The following SMIM14 variants were observed in gnomAD, a reference collection of about 807,000 sequenced individuals.
The protein encoded by SMIM14 is small integral membrane protein 14.
Under a neutral mutation model 12.6 loss-of-function variants are expected in SMIM14, and 5 were observed. That is an observed-to-expected ratio of 0.40 (90% CI 0.21 to 0.83). The LOEUF is 0.83. SMIM14 is among the 40% of genes least tolerant of loss of function. SMIM14 has a pLI of 0.37. For missense variants in SMIM14, 86 were observed against 119.1 expected (o/e 0.72, Z 1.29); for synonymous variants, 30 against 40.1 (o/e 0.75, Z 0.95).
chr4:39,595,202 C>T (rs1415879958), intron 2 of SMIM14, among the ~76,000 whole-genome samples: 2 of 150,354 alleles, frequency 1.3e-5, no homozygotes, highest in Non-Finnish European at 3.0e-5. Context: ...GGCACATATA[C>T]ACCATGGAAT....
At chr4:39,585,648 T>C (rs910843463) in intron 2 of SMIM14, among the ~76,000 whole-genome samples, 3 of 151,882 alleles carry the variant, frequency 2.0e-5, no homozygotes, top group Admixed American at 2.0e-4. Flanking sequence ...ATGACACTGC[T>C]AAAAAGGAGC....
rs1053259582 is a variant in SMIM14 at position 39,623,118 on chromosome 4, G to GT, written c.-36+15620dup. Among the ~76,000 whole-genome samples the GT allele has an allele frequency of 2.4e-4, 37 of 152,250 alleles. 1 individual carries two copies. The highest frequency in any genetic ancestry group is 8.9e-4 in the African/African-American group (37 of 41,552). On this transcript the variant is annotated intron_variant, in intron 1 of 4. Coordinates refer to ENST00000295958, the MANE Select transcript of SMIM14 (RefSeq NM_174921.3). ...ATGTCAACGATCACATCTAAAAAGA[G>GT]TCTTTATCTCTTAGGAATCTCACTA...
intron 2 of SMIM14, among the ~76,000 whole-genome samples, chr4:39,581,573 TGGTGTGATCTAGGCTC>T (rs1330321991): frequency 3.9e-4 from 57 of 147,822 alleles, no homozygotes; most frequent in African/African-American, 1.4e-3. Context: ...TGGAGTGCAG[TGGTGTGATCTAGGCTC>T]ACTGCAACCT....
chr4:39,588,237 G>A (rs913474258), intron 2 of SMIM14, among the ~76,000 whole-genome samples: 2 of 152,002 alleles, frequency 1.3e-5, no homozygotes, highest in African/African-American at 4.8e-5. Context: ...AATAATAATG[G>A]GAACAATACA....
chr4:39,629,875 C>G (rs769841028), intron 1 of SMIM14, among the ~76,000 whole-genome samples: 5 of 152,108 alleles, frequency 3.3e-5, no homozygotes, highest in Non-Finnish European at 7.3e-5. Context: ...GATCTCCCCA[C>G]CTCAGCCTTC....
At chr4:39,598,921 C>T (rs966912387) in intron 2 of SMIM14, among the ~76,000 whole-genome samples, 2 of 152,088 alleles carry the variant, frequency 1.3e-5, no homozygotes. Context: ...TGGGATGTCC[C>T]TTCACCATTA....
chr4:39,555,058 A>C, intron 4 of SMIM14, among the ~76,000 whole-genome samples: 1 of 151,552 alleles, frequency 6.6e-6, no homozygotes, highest in Non-Finnish European at 1.5e-5. Flanking sequence ...CTGGTCTCGA[A>C]CTCCTGACCT....
At chr4:39,612,931 T>C in intron 1 of SMIM14, among the ~76,000 whole-genome samples, 1 of 152,142 alleles carries the variant, frequency 6.6e-6, no homozygotes, top group Non-Finnish European at 1.5e-5. Flanking sequence ...AGAAATTAAA[T>C]ACAGAAATGA....
intron 2 of SMIM14, among the ~76,000 whole-genome samples, chr4:39,596,502 C>A (rs190246006): frequency 6.6e-6 from 1 of 152,188 alleles, no homozygotes; most frequent in Non-Finnish European, 1.5e-5. Context: ...GTCTCTGCCA[C>A]TCTCTGGTCA....
chr4:39,572,277 CT>C (rs71192876), intron 3 of SMIM14, 137 bp downstream of exon 3: 7,803 of 210,722 alleles, frequency 0.037, 42 homozygotes, highest in African/African-American at 0.12. Flanking sequence ...GTATGTGTCG[CT>C]TTTTTTTTTT....
intron 3 of SMIM14, among the ~76,000 whole-genome samples, chr4:39,567,786 A>G (rs1656831165): frequency 6.6e-6 from 1 of 152,056 alleles, no homozygotes; most frequent in Non-Finnish European, 1.5e-5. Context: ...ATGCTCCTGT[A>G]GTCCCAGCTA....
intron 1 of SMIM14, chr4:39,612,200 T>C (rs1715060529): frequency 6.6e-6 from 1 of 152,156 alleles, no homozygotes; most frequent in Admixed American, 6.6e-5. Flanking sequence ...AAATATAACC[T>C]ACCCTTATAT....
rs151026017 is a variant in SMIM14, at chr4:39,585,290, C to CTAT, written c.76-12830_76-12828dup. On this transcript the variant is annotated intron_variant, in intron 2 of 4. Transcript: ENST00000295958. Reference sequence around the variant, plus strand: ...TGGTCTAGATATTCACATATTACTTCTATTATTATTATTATTATTATTAGA... The same window carrying CTAT: ...TGGTCTAGATATTCACATATTACTTCTATTATTATTATTATTATTATTATTAGA... 5.4e-3 allele frequency among the ~76,000 whole-genome samples: 812 copies of CTAT among 150,268 alleles called. 12 individuals are homozygous for CTAT. Among genetic ancestry groups the CTAT allele is most frequent in the African/African-American group, 0.018 (718 of 40,828 alleles).
At chr4:39,556,313 A>C (rs1469244269) in intron 4 of SMIM14, 115 bp downstream of exon 4, 1 of 943,320 alleles carries the variant, frequency 1.1e-6, no homozygotes, top group Non-Finnish European at 1.6e-6. Flanking sequence ...AGAATACTCT[A>C]TGAGTTAAAT....
chr4:39,618,420 G>T (rs1465708082), intron 1 of SMIM14, among the ~76,000 whole-genome samples: 7 of 151,978 alleles, frequency 4.6e-5, no homozygotes, highest in African/African-American at 1.7e-4. Context: ...AGGCCGAGGT[G>T]GGTGGGTCAC....
chr4:39,593,791 T>C (rs940378900), intron 2 of SMIM14: 50 of 152,044 alleles, frequency 3.3e-4, no homozygotes, highest in Non-Finnish European at 5.9e-4. Flanking sequence ...ATGAGTGAAC[T>C]CCCATTCACA....
intron 3 of SMIM14, among the ~76,000 whole-genome samples, chr4:39,557,201 G>A (rs1396851305): frequency 2.0e-5 from 3 of 151,880 alleles, no homozygotes; most frequent in South Asian, 2.1e-4. Context: ...TAGTTGAGAC[G>A]GGGTTTCACC....
At chr4:39,613,862 G>C (rs959039156) in intron 1 of SMIM14, among the ~76,000 whole-genome samples, 1 of 152,078 alleles carries the variant, frequency 6.6e-6, no homozygotes, top group African/African-American at 2.4e-5. Flanking sequence ...GGTCACAAAG[G>C]TCTAAGTCAT....
chr4:39,600,346 C>T (rs988463731), intron 2 of SMIM14, among the ~76,000 whole-genome samples: 4 of 151,976 alleles, frequency 2.6e-5, no homozygotes, highest in Non-Finnish European at 4.4e-5. Flanking sequence ...GCCTAATCAT[C>T]CAGAATTTCT....
Sources: gnomAD v4.1 joint callset for allele counts (sites outside exome capture counted in the v4.1 genomes callset) on GRCh38, gnomAD v4.1.1 for gene constraint, MANE v1.5 for transcripts, NCBI Gene and HGNC (gene_info 2026-07-23, HGNC 2026-07-21) for gene names.